KHDRBS2: variants seen among roughly 807,000 people sequenced by gnomAD.
KHDRBS2 encodes the protein KH RNA binding domain containing, signal transduction associated 2.
A neutral mutation model predicts 44.3 loss-of-function variants in KHDRBS2; 26 were observed. The ratio of observed to expected loss-of-function variants is 0.59; its 90% confidence interval spans 0.43 to 0.81. The LOEUF is 0.81. KHDRBS2 is among the 40% of genes least tolerant of loss of function. The probability of loss-of-function intolerance (pLI) is 0.00; values close to 1 mark genes in which losing one functional copy is unlikely to be tolerated. For missense variants in KHDRBS2, 476 were observed against 433.1 expected (o/e 1.10, Z -0.88); for synonymous variants, 194 against 151.1 (o/e 1.28, Z -2.08).
chr6:61,757,705 A>G (rs567855132), intron 6 of KHDRBS2, among the ~76,000 whole-genome samples: 5 of 151,860 alleles, frequency 3.3e-5, no homozygotes, highest in Admixed American at 2.6e-4. Flanking sequence ...TTGTGATTCA[A>G]TTTTATCTTC....
chr6:62,060,644 T>TAC (rs1306460999), intron 2 of KHDRBS2, among the ~76,000 whole-genome samples: 1 of 151,428 alleles, frequency 6.6e-6, no homozygotes, highest in African/African-American at 2.4e-5. Flanking sequence ...TATATATATA[T>TAC]ATATGAACTA....
At chr6:62,091,833 G>A (rs2127364279) in intron 2 of KHDRBS2, among the ~76,000 whole-genome samples, 1 of 152,236 alleles carries the variant, frequency 6.6e-6, no homozygotes, top group Admixed American at 6.5e-5. Flanking sequence ...AAGCACGGTT[G>A]ATAGTAACAC....
chr6:62,193,239 T>C (rs1457328113), intron 1 of KHDRBS2, among the ~76,000 whole-genome samples: 2 of 152,100 alleles, frequency 1.3e-5, no homozygotes, highest in Admixed American at 1.3e-4. Context: ...ATTGTTCCTC[T>C]GTTAAATTTA....
chr6:61,708,343 T>C (rs1216513342), intron 7 of KHDRBS2, among the ~76,000 whole-genome samples: 12 of 151,700 alleles, frequency 7.9e-5, no homozygotes, highest in African/African-American at 2.7e-4. Context: ...AAATTGATCA[T>C]TTTGTGTACT....
At chr6:61,633,529 T>G in the KHDRBS2 span, among the ~76,000 whole-genome samples, 2 of 152,016 alleles carry the variant, frequency 1.3e-5, no homozygotes, top group African/African-American at 4.8e-5. Context: ...CTGGCTTAGG[T>G]ATTCTCCTAA....
chr6:61,952,883 G>A (rs1765067817), intron 4 of KHDRBS2, among the ~76,000 whole-genome samples: 1 of 152,092 alleles, frequency 6.6e-6, no homozygotes, highest in East Asian at 1.9e-4. Context: ...CATTATCTCT[G>A]TGTATATTCT....
chr6:61,847,340 C>T (rs1794565964), intron 6 of KHDRBS2, among the ~76,000 whole-genome samples: 1 of 152,102 alleles, frequency 6.6e-6, no homozygotes, highest in Admixed American at 6.6e-5. Context: ...CTAAGTAGGC[C>T]TATTGTCAGC....
At chr6:62,150,974 A>G (rs902095764) in intron 2 of KHDRBS2, among the ~76,000 whole-genome samples, 1 of 152,104 alleles carries the variant, frequency 6.6e-6, no homozygotes, top group Non-Finnish European at 1.5e-5. Context: ...ACAATCTTTA[A>G]GCTTTACTTT....
At chr6:61,993,626 T>TCTA in intron 3 of KHDRBS2, among the ~76,000 whole-genome samples, 1 of 132,350 alleles carries the variant, frequency 7.6e-6, no homozygotes, top group Non-Finnish European at 1.6e-5. Flanking sequence ...ACAACTGCCC[T>TCTA]CTACTCCTTC....
At chr6:61,565,256 C>A in the KHDRBS2 span, among the ~76,000 whole-genome samples, 1 of 151,944 alleles carries the variant, frequency 6.6e-6, no homozygotes, top group South Asian at 2.1e-4. Flanking sequence ...ATTGATGTGG[C>A]AAATGATTTC....
chr6:62,161,737 A>G (rs1817705938), intron 2 of KHDRBS2, among the ~76,000 whole-genome samples: 3 of 150,938 alleles, frequency 2.0e-5, no homozygotes, highest in Admixed American at 1.3e-4. Flanking sequence ...TGTTTAGTTC[A>G]TTTTTTTTGT....
intron 6 of KHDRBS2, among the ~76,000 whole-genome samples, chr6:61,870,373 A>G (rs1798487395): frequency 6.6e-6 from 1 of 152,172 alleles, no homozygotes. Context: ...CATCTCTGAA[A>G]AAAAGGCAGC....
At chr6:61,681,787 A>G (rs767326825) in intron 8 of KHDRBS2, among the ~76,000 whole-genome samples, 1 of 151,964 alleles carries the variant, frequency 6.6e-6, no homozygotes, top group Non-Finnish European at 1.5e-5. Context: ...CCAAAAAAGC[A>G]AGAAACAAGT....
At chr6:62,255,225 C>G (rs1837170882) in intron 1 of KHDRBS2, among the ~76,000 whole-genome samples, 1 of 152,026 alleles carries the variant, frequency 6.6e-6, no homozygotes, top group Admixed American at 6.6e-5. Context: ...AAAAATGTAG[C>G]TACTTTTTTA....
intron 1 of KHDRBS2, among the ~76,000 whole-genome samples, chr6:62,247,236 G>A (rs773351474): frequency 3.3e-5 from 5 of 151,912 alleles, no homozygotes; most frequent in Non-Finnish European, 7.4e-5. Context: ...TATTAGGATG[G>A]TGCAAACATA....
chr6:61,909,960 T>G (rs1211895439), intron 4 of KHDRBS2, among the ~76,000 whole-genome samples: 1 of 152,234 alleles, frequency 6.6e-6, no homozygotes, highest in African/African-American at 2.4e-5. Flanking sequence ...TATACTCAGC[T>G]CTGGCAATGC....
intron 3 of KHDRBS2, among the ~76,000 whole-genome samples, chr6:62,043,325 G>A (rs1026494001): frequency 6.6e-6 from 1 of 152,142 alleles, no homozygotes; most frequent in East Asian, 1.9e-4. Context: ...CAGCTTTGTG[G>A]TTGTTTAGAA....
intron 2 of KHDRBS2, among the ~76,000 whole-genome samples, chr6:62,066,655 G>A (rs187005535): frequency 4.6e-4 from 70 of 151,736 alleles, no homozygotes; most frequent in African/African-American, 1.5e-3. Flanking sequence ...ATATGCTTAT[G>A]TTTGATAAGG....
At chr6:61,789,786 G>A (rs1183807741) in intron 6 of KHDRBS2, among the ~76,000 whole-genome samples, 3 of 151,330 alleles carry the variant, frequency 2.0e-5, no homozygotes, top group Non-Finnish European at 4.4e-5. Context: ...ATGGATGCAT[G>A]GCCACATGTA....
Sources: gnomAD v4.1 joint callset for allele counts (sites outside exome capture counted in the v4.1 genomes callset) on GRCh38, gnomAD v4.1.1 for gene constraint, MANE v1.5 for transcripts, NCBI Gene and HGNC (gene_info 2026-07-23, HGNC 2026-07-21) for gene names.